Variants in MADD observed in about 807,000 individuals in gnomAD.
The protein encoded by MADD is MAP kinase activating death domain, also known as MAP kinase-activating death domain protein.
A neutral mutation model predicts 176.7 loss-of-function variants in MADD; 109 were observed. The ratio of observed to expected loss-of-function variants is 0.62; its 90% CI spans 0.53 to 0.72. The LOEUF is 0.72. Among genes scored for constraint, MADD ranks in the 30% least tolerant of loss-of-function variants. MADD has a pLI of 0.00. For missense variants in MADD, 1,914 were observed against 2,045.5 expected, an observed-to-expected ratio of 0.94 and a Z score of 1.24; for synonymous variants, 771 against 771.3, an observed-to-expected ratio of 1.00 and a Z score of 0.01.
intron 31 of MADD, 165 bp from the exon 36 acceptor site, chr11:47,328,493 C>T: frequency 6.7e-7 from 1 of 1,486,934 alleles, no homozygotes; most frequent in Non-Finnish European, 8.9e-7. Flanking sequence ...CTGGACAGAG[C>T]CTCTGGTGGC....
intron 19 of MADD, 88 bp downstream of exon 20, chr11:47,290,904 T>C: frequency 9.1e-7 from 1 of 1,100,310 alleles, no homozygotes; most frequent in Non-Finnish European, 1.3e-6. Flanking sequence ...CCTGCCTTTC[T>C]CTGCCCCATG....
exon 12 of MADD, chr11:47,284,537 C>T (rs879179353): frequency 1.2e-6 from 2 of 1,614,030 alleles, no homozygotes; most frequent in Non-Finnish European, 1.7e-6. Context: ...AGCAGCAGCC[C>T]CAGCACTGTC....
chr11:47,293,964 G>A (rs375878509), exon 20 of MADD: 43 of 1,613,990 alleles, frequency 2.7e-5, no homozygotes, highest in Non-Finnish European at 3.6e-5. Context: ...AGTGGTGTGA[G>A]CCTGACGTCT....
intron 22 of MADD, among the ~76,000 whole-genome samples, chr11:47,304,557 A>G (rs183724774): frequency 6.7e-6 from 1 of 149,704 alleles, no homozygotes; most frequent in Admixed American, 6.7e-5. Context: ...AACTTTGTTC[A>G]TTGAATTATT....
In MADD at chr11:47,295,488, T is replaced by C. The variant is rs2139254624; in HGVS notation, c.3403-8T>C. The C allele has an allele frequency of 1.2e-6, 2 of 1,612,008 alleles. No homozygotes were observed. Among genetic ancestry groups the C allele is most frequent in the East Asian group, 2.2e-5 (1 of 44,874 alleles). ...CACCTCCCCTAATGTTCCTGTGTCT[T>C]GTTTCAGAGGACTGATCAAGACTCT... On this transcript the variant is annotated splice_polypyrimidine_tract_variant and splice_region_variant and intron_variant, in intron 20 of 32. Coordinates refer to ENST00000402192, the Ensembl canonical transcript of MADD.
chr11:47,288,917 A>G (rs1236091882), intron 15 of MADD, 51 bp from the exon 16 acceptor site: 2 of 1,292,184 alleles, frequency 1.5e-6, no homozygotes, highest in East Asian at 2.4e-5. Context: ...GGAGGGGTAG[A>G]GGGGTTGCGG....
chr11:47,306,891 A>G (rs1594264880), intron 22 of MADD, among the ~76,000 whole-genome samples: 2 of 151,638 alleles, frequency 1.3e-5, no homozygotes, highest in East Asian at 1.9e-4. Flanking sequence ...AAAAATGTTT[A>G]TTTATTTACT....
intron 26 of MADD, among the ~76,000 whole-genome samples, chr11:47,313,569 G>A (rs1285799317): frequency 3.3e-5 from 5 of 151,434 alleles, no homozygotes; most frequent in East Asian, 3.9e-4. Flanking sequence ...TAGTCAATCC[G>A]CCCACCTTGG....
In MADD at chr11:47,278,373, G is replaced by C. The variant is rs1043684909; in HGVS notation, c.1209+95G>C. On this transcript the variant is annotated intron_variant, in intron 6 of 32. Coordinates refer to ENST00000402192, the Ensembl canonical transcript of MADD. ...CTGTTTCTAGATTCCTTTCAGGAACGTCCTAAGTTGTTGGATAATTTCTAT... is the reference window on the plus strand; with the variant it reads ...CTGTTTCTAGATTCCTTTCAGGAACCTCCTAAGTTGTTGGATAATTTCTAT... 7.8e-6 allele frequency: 7 copies of C among 900,920 alleles called. No homozygotes were observed. In the East Asian group the frequency reaches 1.7e-4, roughly 22 times the overall value. The allele number at this position is 900,920 out of a possible 1,614,324, so 55.8% of individuals were successfully genotyped here.
At chr11:47,329,127 C>A (rs371641906) in exon 33 of MADD, 2 of 1,614,082 alleles carry the variant, frequency 1.2e-6, no homozygotes, top group East Asian at 2.2e-5. Context: ...TCTCAGAACC[C>A]CGCCCCGGCC....
intron 17 of MADD, 21 bp downstream of exon 18, chr11:47,290,074 AT>A: frequency 6.2e-7 from 1 of 1,612,840 alleles, no homozygotes; most frequent in South Asian, 1.1e-5. Context: ...GGGGTAGGGA[AT>A]CGGAGTAACT....
intron 22 of MADD, among the ~76,000 whole-genome samples, chr11:47,305,874 C>G (rs1270670261): frequency 6.6e-6 from 1 of 152,180 alleles, no homozygotes; most frequent in Non-Finnish European, 1.5e-5. Context: ...ACTGTGTCAG[C>G]TCAGCCCTGG....
intron 31 of MADD, 178 bp downstream of exon 35, chr11:47,326,985 A>G (rs2095515009): frequency 7.2e-7 from 1 of 1,379,434 alleles, no homozygotes; most frequent in East Asian, 2.6e-5. Flanking sequence ...GTGGAAGGGA[A>G]AGATAGATAA....
chr11:47,329,243 A>G (rs1356833610), exon 33 of MADD: 2 of 959,560 alleles, frequency 2.1e-6, no homozygotes, highest in South Asian at 1.3e-5. Flanking sequence ...TGAGGAGTGG[A>G]TGATGCTCGT....
chr11:47,276,846 A>T, exon 5 of MADD: 1 of 1,614,176 alleles, frequency 6.2e-7, no homozygotes, highest in Middle Eastern at 1.6e-4. Context: ...ACCCACCTGC[A>T]TGGCATCAGC....
rs377207038 is a variant in MADD, at chr11:47,291,225, C to T, written c.3301+409C>T. 6.6e-5 allele frequency among the ~76,000 whole-genome samples: 10 copies of T among 152,290 alleles called. No individual in the cohort carries two copies. The South Asian group carries it at 1.7e-3, about 25-fold the overall frequency. On this transcript the variant is annotated intron_variant, in intron 19 of 32. Coordinates refer to ENST00000402192, the Ensembl canonical transcript of MADD. ...TTGTGTCTCTGAAGCCAGTGTCCTC[C>T]CATCCAACCATTATACTCCTCTGGA...
At chr11:47,300,299 C>G (rs189411258) in intron 22 of MADD, among the ~76,000 whole-genome samples, 1 of 151,344 alleles carries the variant, frequency 6.6e-6, no homozygotes, top group Admixed American at 6.6e-5. Context: ...CCCCGCCTCC[C>G]GGGTTCAAGC....
rs756795627 is a variant in MADD, at chr11:47,311,796, T to A, written c.4043T>A (p.Val1348Glu). ...ATGGGAAAGTCGCACATTGGGCTTGTGTACAGCCAGCAAATCAATGAGGTG... is the reference window on the plus strand; with the variant it reads ...ATGGGAAAGTCGCACATTGGGCTTGAGTACAGCCAGCAAATCAATGAGGTG... The change falls in exon 26 of 33, where the codon GTG becomes GAG. Residue 1348 changes from valine to glutamate, a missense_variant. Physicochemically the swap from Val to Glu is moderately radical, Grantham distance 121. Around this residue, in one of 2 missense-constraint regions of MADD, gnomAD observed 1,767 missense variants for 1,836.0 expected, o/e 0.96. Transcript: ENST00000402192. 5.0e-6 allele frequency: 8 copies of A among 1,614,006 alleles called. No individual in the cohort carries two copies. The East Asian group carries it at 6.7e-5, about 13-fold the overall frequency.
intron 5 of MADD, among the ~76,000 whole-genome samples, chr11:47,277,905 A>G (rs1313675889): frequency 6.6e-6 from 1 of 152,146 alleles, no homozygotes; most frequent in African/African-American, 2.4e-5. Flanking sequence ...TCCTTTTAAT[A>G]TTTTCAGACT....
Sources: gnomAD v4.1 joint callset for allele counts (sites outside exome capture counted in the v4.1 genomes callset) on GRCh38, gnomAD v4.1.1 for gene constraint, gnomAD v4.1.1 regional missense constraint, MANE v1.5 for transcripts, NCBI Gene and HGNC (gene_info 2026-07-23, HGNC 2026-07-21) for gene names.